APLP2: variants seen among roughly 807,000 people sequenced by gnomAD.
The protein encoded by APLP2 is CDEI box-binding protein.
In APLP2, 53 loss-of-function variants were observed where a neutral mutation model predicts 89.9. The ratio of observed to expected loss-of-function variants is 0.59; its 90% CI spans 0.47 to 0.74. The LOEUF (loss-of-function observed/expected upper bound fraction) is 0.74. Among genes scored for constraint, APLP2 ranks in the 30% least tolerant of loss-of-function variants. The probability of loss-of-function intolerance (pLI) is 0.00; values close to 1 mark genes in which losing one functional copy is unlikely to be tolerated. For missense variants in APLP2, 973 were observed against 975.9 expected, an observed-to-expected ratio of 1.00 and a Z score of 0.04; for synonymous variants, 372 against 348.6, an observed-to-expected ratio of 1.07 and a Z score of -0.75.
intron 1 of APLP2, among the ~76,000 whole-genome samples, chr11:130,098,878 C>A (rs1170723134): frequency 5.3e-5 from 8 of 152,062 alleles, no homozygotes; most frequent in Non-Finnish European, 1.2e-4. Context: ...TTTCTGTCAT[C>A]TGAATCAATA....
intron 1 of APLP2, chr11:130,100,524 C>T (rs1012632223): frequency 6.6e-6 from 1 of 152,118 alleles, no homozygotes; most frequent in Non-Finnish European, 1.5e-5. Flanking sequence ...ATGTCAGAGA[C>T]ACATACTGAA....
chr11:130,126,215 G>A (rs1382197748), intron 7 of APLP2, among the ~76,000 whole-genome samples: 1 of 152,152 alleles, frequency 6.6e-6, no homozygotes, highest in African/African-American at 2.4e-5. Flanking sequence ...GTTTTCTGTT[G>A]TAAATTAAGA....
At position 130,109,571 on chromosome 11, in the gene APLP2, C is replaced by G. The variant is rs1338176728; in HGVS notation, c.248C>G (p.Thr83Arg). The change falls in exon 2 of 17, where the codon ACA becomes AGA. Residue 83 changes from threonine (T) to arginine (R), a missense_variant. Thr to Arg is a moderately conservative substitution (Grantham distance 71). Transcript: ENST00000338167. The part of the protein sequence containing the change: ...DPTGTKSCFE[T>R]KEEVLQYCQE... ...ACAGGCACCAAGAGCTGCTTTGAAA[C>G]AAAAGAAGAAGTTCTTCAGTACTGT... The G allele has an allele frequency of 6.2e-7, 1 of 1,613,086 alleles. No homozygotes were observed. Among genetic ancestry groups the G allele is most frequent in the Admixed American group, 1.7e-5 (1 of 59,850 alleles).
At chr11:130,119,162 T>G (rs1362244475) in intron 3 of APLP2, among the ~76,000 whole-genome samples, 1 of 152,180 alleles carries the variant, frequency 6.6e-6, no homozygotes, top group Admixed American at 6.5e-5. Context: ...CCACATTACT[T>G]TCTCATGATA....
chr11:130,082,758 G>A (rs1943397116), intron 1 of APLP2: 1 of 235,176 alleles, frequency 4.3e-6, no homozygotes, highest in Non-Finnish European at 8.9e-6. Flanking sequence ...CTGTATTGTA[G>A]GAAAGCCTGT....
At position 130,123,280 on chromosome 11, in the gene APLP2, T is replaced by C. The variant is rs1261021970; in HGVS notation, c.923-332T>C. 6.6e-6 allele frequency among the ~76,000 whole-genome samples: 1 copy of C among 152,210 alleles called. No individual in the cohort carries two copies. The highest frequency in any genetic ancestry group is 2.4e-5 in the African/African-American group (1 of 41,446). ...CACACTGTCTCCTGAATAGACAAAC[T>C]AGGCAGATACCTCCACTGAACAGAT... On this transcript the variant is annotated intron_variant, in intron 6 of 16. Transcript: ENST00000338167. The surrounding 1 kb of genome is among the most constrained non-coding windows in gnomAD (Gnocchi z 4.0).
chr11:130,102,701 A>G (rs905400413), intron 1 of APLP2, among the ~76,000 whole-genome samples: 1 of 152,218 alleles, frequency 6.6e-6, no homozygotes, highest in Non-Finnish European at 1.5e-5. Context: ...AAAGGCCCTG[A>G]TTTAAAGTAG....
At chr11:130,073,577 T>C (rs1355089976) in intron 1 of APLP2, among the ~76,000 whole-genome samples, 1 of 152,230 alleles carries the variant, frequency 6.6e-6, no homozygotes, top group Non-Finnish European at 1.5e-5. Flanking sequence ...GCGCGGTGGC[T>C]CACGCCTGTA....
chr11:130,096,798 TATTC>T (rs766218703), intron 1 of APLP2, among the ~76,000 whole-genome samples: 2 of 152,370 alleles, frequency 1.3e-5, no homozygotes, highest in Admixed American at 6.5e-5. Context: ...ATATTCCTTT[TATTC>T]ATTCTTTTTA....
At chr11:130,092,579 C>T (rs1462760572) in intron 1 of APLP2, among the ~76,000 whole-genome samples, 9 of 148,226 alleles carry the variant, frequency 6.1e-5, no homozygotes, top group African/African-American at 1.8e-4. Context: ...GGCGTGGCGG[C>T]GCGTGCCTGC....
intron 1 of APLP2, among the ~76,000 whole-genome samples, chr11:130,081,543 C>G (rs903693904): frequency 2.0e-4 from 30 of 152,078 alleles, no homozygotes; most frequent in Non-Finnish European, 4.4e-5. Flanking sequence ...TTTCTTTGAA[C>G]TTATATAAAT....
intron 2 of APLP2, among the ~76,000 whole-genome samples, 168 bp from the exon 3 acceptor site, chr11:130,110,370 A>G (rs1948393730): frequency 6.6e-6 from 1 of 152,240 alleles, no homozygotes; most frequent in Non-Finnish European, 1.5e-5. Context: ...CTAATACAGT[A>G]TCTTTTTGTT....
chr11:130,081,562 G>A (rs1943156230), intron 1 of APLP2, among the ~76,000 whole-genome samples: 1 of 152,172 alleles, frequency 6.6e-6, no homozygotes. Flanking sequence ...ATGCTCAGTG[G>A]GTTCAATTAT....
At chr11:130,076,511 G>C (rs755337896) in intron 1 of APLP2, among the ~76,000 whole-genome samples, 1 of 152,120 alleles carries the variant, frequency 6.6e-6, no homozygotes, top group Non-Finnish European at 1.5e-5. Context: ...ATCAAGGTGC[G>C]GGATTATTTG....
chr11:130,098,919 T>C (rs933561097), intron 1 of APLP2, among the ~76,000 whole-genome samples: 3 of 152,218 alleles, frequency 2.0e-5, no homozygotes. Flanking sequence ...TATTTTATTA[T>C]TAATATTTAA....
chr11:130,087,517 C>A (rs563164532), intron 1 of APLP2, among the ~76,000 whole-genome samples: 21 of 152,276 alleles, frequency 1.4e-4, no homozygotes, highest in African/African-American at 4.8e-4. Context: ...CCATTTTGGT[C>A]TTACCCTCTA....
intron 9 of APLP2, 79 bp from the exon 10 acceptor site, chr11:130,128,969 G>A: frequency 6.6e-7 from 1 of 1,504,148 alleles, no homozygotes; most frequent in Admixed American, 2.0e-5. Context: ...GACAGGAGAA[G>A]CACTGGGGTC....
chr11:130,122,872 G>C (rs1949984261), intron 6 of APLP2, among the ~76,000 whole-genome samples: 1 of 152,086 alleles, frequency 6.6e-6, no homozygotes, highest in African/African-American at 2.4e-5. Flanking sequence ...GAATAGAAAT[G>C]GTTTTCTTGG....
intron 4 of APLP2, 95 bp from the exon 5 acceptor site, chr11:130,121,519 T>G (rs1171289249): frequency 4.7e-5 from 65 of 1,378,028 alleles, no homozygotes; most frequent in Non-Finnish European, 6.0e-5. Flanking sequence ...GCTAAGTGAT[T>G]TGATAAGGGT....
Sources: gnomAD v4.1 joint callset for allele counts (sites outside exome capture counted in the v4.1 genomes callset) on GRCh38, gnomAD v4.1.1 for gene constraint, Gnocchi (gnomAD v3.1) non-coding constraint, MANE v1.5 for transcripts, NCBI Gene and HGNC (gene_info 2026-07-23, HGNC 2026-07-21) for gene names.